Variants in FAT1 observed in about 807,000 individuals in gnomAD.
The protein encoded by FAT1 is FAT atypical cadherin 1, also known as protocadherin Fat 1.
Under a neutral mutation model 329.8 loss-of-function variants are expected in FAT1, and 171 were observed. That is an observed-to-expected ratio of 0.52 (90% CI 0.46 to 0.59). The LOEUF is 0.59. FAT1 is among the 20% of genes least tolerant of loss of function. The probability of loss-of-function intolerance (pLI) is 0.00; values close to 1 mark genes in which losing one functional copy is unlikely to be tolerated. For synonymous variants in FAT1, 2,233 were observed against 2,228.6 expected (o/e 1.00, Z -0.06); for missense variants, 5,672 against 5,774.4 (o/e 0.98, Z 0.57).
intron 12 of FAT1, 103 bp from the exon 13 acceptor site, chr4:186,613,445 T>G (rs1560934545): frequency 6.0e-6 from 5 of 826,448 alleles, no homozygotes; most frequent in Non-Finnish European, 9.9e-6. Context: ...AGTCTGAGTA[T>G]TCACAGCCTT....
intron 17 of FAT1, 36 bp from the exon 18 acceptor site, chr4:186,604,610 C>T (rs1739004946): frequency 1.4e-6 from 2 of 1,475,050 alleles, no homozygotes; most frequent in Non-Finnish European, 1.9e-6. Flanking sequence ...AACAAAAATC[C>T]TGGAACACAG....
intron 26 of FAT1, among the ~76,000 whole-genome samples, chr4:186,591,598 A>G (rs1263497192): frequency 1.3e-5 from 2 of 152,242 alleles, no homozygotes; most frequent in Non-Finnish European, 2.9e-5. Flanking sequence ...GGAACTGTTG[A>G]AATTCTGCTT....
At chr4:186,597,815 CA>C in intron 23 of FAT1, 23 bp from the exon 24 acceptor site, 1 of 1,598,482 alleles carries the variant, frequency 6.3e-7, no homozygotes. Context: ...GAGAAACAGA[CA>C]TAAACCTCAT....
chr4:186,726,523 G>A (rs569502779), upstream of FAT1: 1 of 152,310 alleles, frequency 6.6e-6, no homozygotes, highest in East Asian at 1.9e-4. Flanking sequence ...CGGGACCCAG[G>A]CGGCCGCATC....
rs1346699827 is a variant in FAT1, at chr4:186,625,911, G to A, written c.4810+2243C>T. Among the ~76,000 whole-genome samples the A allele has an allele frequency of 3.3e-5, 5 of 152,140 alleles. No individual in the cohort carries two copies. In the East Asian group the frequency reaches 9.6e-4, roughly 29 times the overall value. On this transcript the variant is annotated intron_variant, in intron 9 of 26. Transcript: ENST00000441802. ...TGCCCAGGAGGAACACTCCCAACAT[G>A]GCACCTGGCACATAAAGTGAGCTTC...
intron 14 of FAT1, 186 bp from the exon 15 acceptor site, chr4:186,610,201 C>G (rs1739337059): frequency 1.8e-6 from 1 of 564,652 alleles, no homozygotes; most frequent in Non-Finnish European, 3.1e-6. Context: ...ATCCCTGGAT[C>G]TTTATTTCTC....
chr4:186,610,655 ATATAAATTATATAAT>A (rs1739382906), intron 14 of FAT1, among the ~76,000 whole-genome samples: 1 of 90,442 alleles, frequency 1.1e-5, no homozygotes, highest in African/African-American at 3.4e-5. Flanking sequence ...ATTTATATAA[ATATAAATTATATAAT>A]TTATATAAAT....
intron 3 of FAT1, among the ~76,000 whole-genome samples, chr4:186,652,321 T>C (rs1212597641): frequency 1.3e-5 from 2 of 152,218 alleles, no homozygotes; most frequent in East Asian, 3.8e-4. Context: ...ATAAAAAGAC[T>C]AATCTCAGGC....
chr4:186,691,537 A>G (rs1472426659), intron 2 of FAT1, among the ~76,000 whole-genome samples: 1 of 152,206 alleles, frequency 6.6e-6, no homozygotes, highest in South Asian at 2.1e-4. Flanking sequence ...ATGTTGGCTC[A>G]CATCTGTAAT....
intron 2 of FAT1, among the ~76,000 whole-genome samples, chr4:186,664,197 A>T (rs1240985053): frequency 1.3e-5 from 2 of 152,158 alleles, no homozygotes; most frequent in Non-Finnish European, 2.9e-5. Context: ...ACCCCTTCTC[A>T]CAGTGGCTAA....
intron 20 of FAT1, chr4:186,601,656 C>G (rs929466473): frequency 7.6e-5 from 29 of 383,298 alleles, no homozygotes; most frequent in Non-Finnish European, 1.3e-4. Context: ...GAAATGAATT[C>G]TAAAGTAATG....
At chr4:186,712,155 A>T (rs1744991239) in intron 1 of FAT1, among the ~76,000 whole-genome samples, 1 of 152,254 alleles carries the variant, frequency 6.6e-6, no homozygotes, top group South Asian at 2.1e-4. Context: ...GTCTAGCTAT[A>T]TAAACTGGAA....
chr4:186,713,791 G>C (rs998444861), intron 1 of FAT1, among the ~76,000 whole-genome samples: 1 of 152,096 alleles, frequency 6.6e-6, no homozygotes, highest in Non-Finnish European at 1.5e-5. Flanking sequence ...GACTATAGGT[G>C]CGTCTGTAGA....
At chr4:186,657,970 A>G (rs1741982679) in intron 3 of FAT1, among the ~76,000 whole-genome samples, 1 of 152,150 alleles carries the variant, frequency 6.6e-6, no homozygotes, top group African/African-American at 2.4e-5. Context: ...TCTGTCCTTG[A>G]CACACCACAA....
intron 4 of FAT1, among the ~76,000 whole-genome samples, chr4:186,637,666 C>T (rs184555512): frequency 1.3e-5 from 2 of 152,294 alleles, no homozygotes; most frequent in African/African-American, 4.8e-5. Context: ...GACCATTTCA[C>T]CCTTAAATCA....
intron 1 of FAT1, among the ~76,000 whole-genome samples, chr4:186,716,161 C>T (rs563976882): frequency 2.0e-5 from 3 of 152,148 alleles, no homozygotes; most frequent in South Asian, 2.1e-4. Flanking sequence ...TATTACTGAG[C>T]GGTCACAATT....
chr4:186,618,200 T>G lies in FAT1; in HGVS notation c.8386A>C (p.Ser2796Arg). The G allele has an allele frequency of 1.9e-6, 3 of 1,614,038 alleles. No individual in the cohort carries two copies. The highest frequency in any genetic ancestry group is 2.5e-6 in the Non-Finnish European group (3 of 1,179,898). ...TCATTTGCATCTTTCACTTGGATAC[T>G]AACATCTACAGAAGCCACCATCTCA... ...DHEMVASVDV[S>R]IQVKDANDNS... The change falls in exon 10 of 27, where the codon AGT becomes CGT. Residue 2796 changes from serine (S) to arginine (R), a missense_variant. Coordinates refer to ENST00000441802, the MANE Select transcript of FAT1 (RefSeq NM_005245.4).
intron 26 of FAT1, among the ~76,000 whole-genome samples, chr4:186,593,674 C>T (rs996124546): frequency 2.0e-5 from 3 of 152,048 alleles, no homozygotes; most frequent in African/African-American, 7.2e-5. Context: ...ATGGAAGAAA[C>T]CAAGAGCCAA....
chr4:186,724,898 G>GA (rs1205787613), upstream of FAT1, among the ~76,000 whole-genome samples: 1 of 152,242 alleles, frequency 6.6e-6, no homozygotes, highest in Non-Finnish European at 1.5e-5. This position sits in a 1 kb window ranked among gnomAD's most constrained non-coding sequence, Gnocchi z 5.3. Context: ...GCGGGGAGGG[G>GA]AACGGCAGGG....
Sources: gnomAD v4.1 joint callset for allele counts (sites outside exome capture counted in the v4.1 genomes callset) on GRCh38, gnomAD v4.1.1 for gene constraint, Gnocchi (gnomAD v3.1) non-coding constraint, MANE v1.5 for transcripts, NCBI Gene and HGNC (gene_info 2026-07-23, HGNC 2026-07-21) for gene names.